MGLL: variants seen among roughly 807,000 people sequenced by gnomAD.
MGLL encodes the protein lysophospholipase homolog.
In MGLL, 7 loss-of-function variants were observed where a neutral mutation model predicts 29.1. The observed-to-expected ratio is 0.24, with a 90% CI of 0.14 to 0.45. The LOEUF is 0.45. Ranked by LOEUF, MGLL falls within the 20% of genes least tolerant of loss-of-function variation. MGLL has a pLI of 0.99. For synonymous variants in MGLL, 148 were observed against 168.3 expected, an observed-to-expected ratio of 0.88 and a Z score of 0.93; for missense variants, 356 against 413.6, an observed-to-expected ratio of 0.86 and a Z score of 1.21.
intron 3 of MGLL, among the ~76,000 whole-genome samples, chr3:127,740,718 A>G (rs539440281): frequency 5.3e-5 from 8 of 152,320 alleles, no homozygotes; most frequent in African/African-American, 1.9e-4. Flanking sequence ...CAATGGTGTG[A>G]CGCTGGCCTG....
At chr3:127,819,141 T>C (rs2077813068) in intron 2 of MGLL, among the ~76,000 whole-genome samples, 1 of 152,206 alleles carries the variant, frequency 6.6e-6, no homozygotes. Flanking sequence ...CAGAATTTGC[T>C]TGCATAAAGC....
chr3:127,735,985 C>T, intron 3 of MGLL: 1 of 1,428,584 alleles, frequency 7.0e-7, no homozygotes, highest in Non-Finnish European at 9.1e-7. Flanking sequence ...GGCTCAGTTC[C>T]TTCACGCTAA....
At chr3:127,743,851 C>A (rs1346241571) in intron 3 of MGLL, among the ~76,000 whole-genome samples, 2 of 152,166 alleles carry the variant, frequency 1.3e-5, no homozygotes, top group African/African-American at 4.8e-5. Flanking sequence ...AAAGCCATTT[C>A]CTTCTCTTCT....
chr3:127,788,707 C>T (rs992268455), intron 2 of MGLL, among the ~76,000 whole-genome samples: 3 of 152,202 alleles, frequency 2.0e-5, no homozygotes, highest in Non-Finnish European at 4.4e-5. Context: ...CTGAGGTAGG[C>T]GCACCCTCCT....
intron 2 of MGLL, among the ~76,000 whole-genome samples, chr3:127,782,219 C>G (rs2077140120): frequency 6.6e-6 from 1 of 151,968 alleles, no homozygotes; most frequent in South Asian, 2.1e-4. Context: ...GAGACTCTGT[C>G]TCCAAAAAAA....
At chr3:127,711,371 C>G (rs2075709317) in intron 5 of MGLL, 1 of 154,102 alleles carries the variant, frequency 6.5e-6, no homozygotes, top group Non-Finnish European at 1.4e-5. Context: ...GAGCTTAACA[C>G]ATGCTCATTG....
intron 6 of MGLL, among the ~76,000 whole-genome samples, chr3:127,697,842 C>T (rs1044596904): frequency 2.0e-5 from 3 of 152,188 alleles, no homozygotes; most frequent in African/African-American, 4.8e-5. Flanking sequence ...AGCAGGCTGG[C>T]GGTGCCCTGG....
At chr3:127,773,758 G>C (rs554888779) in intron 3 of MGLL, among the ~76,000 whole-genome samples, 3 of 152,290 alleles carry the variant, frequency 2.0e-5, no homozygotes, top group East Asian at 3.9e-4. Flanking sequence ...AGGAGACTCA[G>C]GCTCGCCACT....
intron 2 of MGLL, among the ~76,000 whole-genome samples, chr3:127,807,822 C>T (rs948142315): frequency 4.9e-5 from 6 of 122,444 alleles, no homozygotes; most frequent in South Asian, 2.8e-4. Flanking sequence ...AGTGCAGTGG[C>T]GTAATCTCGG....
intron 3 of MGLL, among the ~76,000 whole-genome samples, chr3:127,781,190 T>C (rs1409335328): frequency 6.6e-6 from 1 of 151,704 alleles, no homozygotes; most frequent in Non-Finnish European, 1.5e-5. Flanking sequence ...TATGTATGTG[T>C]GTATGTGTGT....
intron 3 of MGLL, among the ~76,000 whole-genome samples, chr3:127,745,579 T>C (rs1013280157): frequency 1.3e-5 from 2 of 152,126 alleles, no homozygotes; most frequent in African/African-American, 2.4e-5. Flanking sequence ...AGATGACTTA[T>C]GGGTACAATG....
chr3:127,715,961 A>G (rs767157647), intron 5 of MGLL: 4 of 388,568 alleles, frequency 1.0e-5, no homozygotes, highest in Non-Finnish European at 2.1e-5. Flanking sequence ...CCTTGGATCC[A>G]GCTCAGGAGA....
intron 3 of MGLL, among the ~76,000 whole-genome samples, chr3:127,739,624 T>C (rs1236408035): frequency 6.6e-6 from 1 of 152,094 alleles, no homozygotes. Flanking sequence ...GGCTCATACG[T>C]GATATCAAAG....
intron 2 of MGLL, 118 bp downstream of exon 2, chr3:127,821,576 A>G (rs954546461): frequency 4.6e-6 from 5 of 1,088,562 alleles, no homozygotes; most frequent in Non-Finnish European, 7.0e-6. Context: ...TTAAAACGGC[A>G]GGGGAAGTAG....
intron 3 of MGLL, among the ~76,000 whole-genome samples, chr3:127,729,550 G>A (rs564220055): frequency 1.2e-3 from 190 of 152,186 alleles, no homozygotes; most frequent in Non-Finnish European, 2.1e-3. Flanking sequence ...CATTTAGTAT[G>A]TCCACAATAT....
At chr3:127,793,721 C>T (rs912334150) in intron 2 of MGLL, among the ~76,000 whole-genome samples, 1 of 152,276 alleles carries the variant, frequency 6.6e-6, no homozygotes, top group Admixed American at 6.5e-5. Flanking sequence ...GCCACCACGC[C>T]CAGCTAATTT....
chr3:127,721,650 G>A lies in MGLL; in HGVS notation c.400-487C>T, dbSNP rs557185601. On this transcript the variant is annotated intron_variant, in intron 4 of 7. Transcript: ENST00000265052. ...GGAGTGAACGTGGATGGTGCTGAAG[G>A]AGAGAGGCCTCACCTGTTTGCTGAA... Among the ~76,000 whole-genome samples the A allele has an allele frequency of 2.0e-5, 3 of 152,086 alleles. No homozygotes were observed. In the South Asian group the frequency reaches 6.2e-4, roughly 32 times the overall value.
intron 3 of MGLL, among the ~76,000 whole-genome samples, chr3:127,740,491 G>C (rs2076320126): frequency 6.6e-6 from 1 of 152,184 alleles, no homozygotes; most frequent in Non-Finnish European, 1.5e-5. Context: ...AGGACTGCCG[G>C]GACCCAGGTC....
At chr3:127,721,536 G>C (rs1195081229) in intron 4 of MGLL, among the ~76,000 whole-genome samples, 9 of 131,608 alleles carry the variant, frequency 6.8e-5, no homozygotes, top group South Asian at 2.4e-4. Context: ...TTTTTGGTGG[G>C]GGGTAATCTG....
Sources: allele counts gnomAD v4.1 joint callset (sites outside exome capture counted in the v4.1 genomes callset), GRCh38; gene constraint gnomAD v4.1.1; transcripts MANE v1.5; gene names NCBI Gene and HGNC (gene_info 2026-07-23, HGNC 2026-07-21).